Variants in NR1D2 observed in about 807,000 individuals in gnomAD.
The protein encoded by NR1D2 is nuclear receptor subfamily 1 group D member 2.
Under a neutral mutation model 52.2 loss-of-function variants are expected in NR1D2, and 25 were observed. The observed-to-expected ratio is 0.48, with a 90% CI of 0.35 to 0.67. The LOEUF (loss-of-function observed/expected upper bound fraction) is 0.67, where lower values mean the gene tolerates loss of function less well. NR1D2 is among the 30% of genes least tolerant of loss of function. NR1D2 has a pLI of 0.01. For missense variants in NR1D2, 681 were observed against 707.2 expected, an observed-to-expected ratio of 0.96 and a Z score of 0.42; for synonymous variants, 259 against 230.1, an observed-to-expected ratio of 1.13 and a Z score of -1.14.
intron 7 of NR1D2, among the ~76,000 whole-genome samples, chr3:23,972,859 C>T (rs1706627180): frequency 6.6e-6 from 1 of 152,134 alleles, no homozygotes. Context: ...GCCTTGAAAT[C>T]TTAAAAACCA....
Position 23,946,199 on chromosome 3 carries a change from C to T in NR1D2, c.16+605C>T, listed in dbSNP as rs555372752. ...GCTGAGCCCCCGCGGCGGGGCGTCC[C>T]CGAAGCGGGCGCTGACACCGCAGTG... is the stretch of plus-strand genomic sequence containing the variant. On this transcript the variant is annotated intron_variant, in intron 1 of 7. Transcript: ENST00000312521. 13 of 985,364 alleles carry T rather than the reference C, an allele frequency of 1.3e-5. No individual in the cohort carries two copies. The South Asian group carries it at 2.3e-4, about 18-fold the overall frequency. 61.0% of individuals were successfully genotyped at this position (985,364 alleles called of 1,614,324 possible).
Position 23,980,101 on chromosome 3 carries a change from G to A in NR1D2, c.*2682G>A, listed in dbSNP as rs1706838021. On this transcript the variant is annotated 3_prime_UTR_variant, in exon 8 of 8. Transcript: ENST00000312521. Reference sequence around the variant, plus strand: ...TTAATTACAGATTAAAAAATTAGAAGGAAATTTCAGTGGATTAAGTGTATA... The same window carrying A: ...TTAATTACAGATTAAAAAATTAGAAAGAAATTTCAGTGGATTAAGTGTATA... 1 of 151,958 alleles carries A rather than the reference G, an allele frequency of 6.6e-6. No homozygotes were observed. The highest frequency in any genetic ancestry group is 1.5e-5 in the Non-Finnish European group (1 of 67,960). The allele number at this position is 151,958 out of a possible 1,614,324, so 9.4% of individuals were successfully genotyped here.
At chr3:23,960,722 T>C (rs747229420) in intron 4 of NR1D2, among the ~76,000 whole-genome samples, 6 of 152,236 alleles carry the variant, frequency 3.9e-5, no homozygotes, top group Admixed American at 3.9e-4. Context: ...GTACTAATGC[T>C]ATAAAAATAG....
At position 23,961,385 on chromosome 3, in the gene NR1D2, C is replaced by CTTTCT. The variant is rs1280350912; in HGVS notation, c.518-588_518-584dup. Among the ~76,000 whole-genome samples, 5 of 108,304 alleles carry CTTTCT rather than the reference C, an allele frequency of 4.6e-5. No individual in the cohort carries two copies. In the East Asian group the frequency reaches 7.5e-4, roughly 16 times the overall value. The allele number at this position is 108,304 out of a possible 152,430, so 71.1% of individuals were successfully genotyped here. ...AATTTCATATTTCTTTTTTCTTTTTCTTTCTTTTTTTTTTTTTTTTTTTTT... is the reference window on the plus strand; with the variant it reads ...AATTTCATATTTCTTTTTTCTTTTTCTTTCTTTTCTTTTTTTTTTTTTTTTTTTTT... On this transcript the variant is annotated intron_variant, in intron 4 of 7. Transcript: ENST00000312521.
At chr3:23,946,174 G>C in intron 1 of NR1D2, 1 of 985,254 alleles carries the variant, frequency 1.0e-6, no homozygotes, top group Non-Finnish European at 1.2e-6. Context: ...GTGCGCGCCC[G>C]CTGAGCCCCC....
At position 23,945,557 on chromosome 3, in the gene NR1D2, C is replaced by T. The variant is rs1431283645; in HGVS notation, c.-22C>T. On this transcript the variant is annotated 5_prime_UTR_variant, in exon 1 of 8. Transcript: ENST00000312521. ...CCCCTCTGCGGGAAGCGGGCGGCCC[C>T]GGCCGCCTCCGCGAGGGCACCATGG... 1.0e-5 allele frequency: 12 copies of T among 1,156,194 alleles called. No homozygotes were observed. In the East Asian group the frequency reaches 3.7e-4, roughly 36 times the overall value. The allele number at this position is 1,156,194 out of a possible 1,614,324, so 71.6% of individuals were successfully genotyped here. A position where few individuals can be genotyped will look rare whatever the true frequency, so the allele number is the denominator to read the frequency against.
rs1263370000 is a variant in NR1D2, at chr3:23,945,512, G to GGCC, written c.-65_-64insCGC. ...CCAGCCCGGGGCGGCGCGGCGCTGA[G>GGCC]GCGGCGGCGGCGGCGCTGCCCCCTC... On this transcript the variant is annotated 5_prime_UTR_variant, in exon 1 of 8. Transcript: ENST00000312521. The GGCC allele has an allele frequency of 1.6e-5, 15 of 912,994 alleles. No homozygotes were observed. The Middle Eastern group carries it at 1.4e-3, about 84-fold the overall frequency. The allele number at this position is 912,994 out of a possible 1,614,324, so 56.6% of individuals were successfully genotyped here.
chr3:23,959,559 A>G (rs553392209), intron 3 of NR1D2, 112 bp from the exon 4 acceptor site: 114 of 923,012 alleles, frequency 1.2e-4, no homozygotes, highest in Non-Finnish European at 1.8e-4. Flanking sequence ...ATAGTGAGTC[A>G]TATACTGGGA....
At chr3:23,954,829 T>C in intron 2 of NR1D2, 26 bp downstream of exon 2, 1 of 1,605,006 alleles carries the variant, frequency 6.2e-7, no homozygotes, top group South Asian at 1.1e-5. Flanking sequence ...TTTCTAAAGA[T>C]TGCTGCCATT....
chr3:23,958,631 C>T (rs2125288365), intron 3 of NR1D2, among the ~76,000 whole-genome samples: 1 of 137,470 alleles, frequency 7.3e-6, no homozygotes, highest in South Asian at 2.3e-4. Flanking sequence ...CAGAGCAAGA[C>T]CCTGTCTCTT....
At chr3:23,964,245 T>G (rs141988543) in intron 5 of NR1D2, among the ~76,000 whole-genome samples, 1 of 152,164 alleles carries the variant, frequency 6.6e-6, no homozygotes, top group Non-Finnish European at 1.5e-5. Context: ...GTCTGGCTAA[T>G]TTTTTTAATT....
intron 6 of NR1D2, among the ~76,000 whole-genome samples, chr3:23,965,572 A>T (rs551502772): frequency 6.6e-6 from 1 of 152,116 alleles, no homozygotes; most frequent in Admixed American, 6.5e-5. Context: ...TTTCTAAGTC[A>T]GTATTTATAG....
In NR1D2 at chr3:23,962,145, C is replaced by T; in HGVS notation, c.686C>T (p.Pro229Leu). The part of the protein sequence containing the change: ...TALPAQEQLR[P>L]KPQLEQENIK... The stretch of plus-strand genomic sequence containing the variant: ...TTGCCAGCCCAGGAACAGCTGCGAC[C>T]CAAGCCCCAACTGGAGCAAGAAAAC... Residue 229 changes from proline (P) to leucine (L), a missense_variant, in exon 5 of 8, where the codon CCC becomes CTC. By Grantham distance (98) the Pro-to-Leu change is moderately conservative. Transcript: ENST00000312521. 3.1e-6 allele frequency: 5 copies of T among 1,614,126 alleles called. No individual in the cohort carries two copies. Among genetic ancestry groups the T allele is most frequent in the Non-Finnish European group, 4.2e-6 (5 of 1,180,018 alleles).
At chr3:23,958,342 A>G (rs1019621358) in intron 3 of NR1D2, among the ~76,000 whole-genome samples, 2 of 152,004 alleles carry the variant, frequency 1.3e-5, no homozygotes, top group Admixed American at 6.5e-5. Context: ...TTCTCAGTCC[A>G]CTTTTTAAGA....
At chr3:23,965,384 G>T (rs1252124604) in intron 6 of NR1D2, among the ~76,000 whole-genome samples, 4 of 150,438 alleles carry the variant, frequency 2.7e-5, no homozygotes, top group African/African-American at 9.8e-5. Flanking sequence ...GACTACAGGT[G>T]TGAGCTACCA....
chr3:23,963,429 C>G, intron 5 of NR1D2: 1 of 1,188,726 alleles, frequency 8.4e-7, no homozygotes, highest in South Asian at 1.6e-5. Flanking sequence ...TTCTGTGGAC[C>G]TTATGTTAGG....
chr3:23,952,537 C>T (rs1445989152), intron 1 of NR1D2, among the ~76,000 whole-genome samples: 1 of 151,646 alleles, frequency 6.6e-6, no homozygotes, highest in African/African-American at 2.4e-5. Flanking sequence ...TGGTGAAACC[C>T]TGTCTCTACT....
intron 2 of NR1D2, among the ~76,000 whole-genome samples, chr3:23,955,410 T>C (rs972340831): frequency 6.6e-6 from 1 of 152,246 alleles, no homozygotes; most frequent in African/African-American, 2.4e-5. Flanking sequence ...CAAAATTTCT[T>C]ATTTCCTGCT....
rs1465001806 is a variant in NR1D2, at chr3:23,979,392, T to A, written c.*1973T>A. 2.0e-5 allele frequency: 3 copies of A among 152,092 alleles called. No homozygotes were observed. The highest frequency in any genetic ancestry group is 6.5e-5 in the Admixed American group (1 of 15,282). The allele number at this position is 152,092 out of a possible 1,614,324, so 9.4% of individuals were successfully genotyped here. A position where few individuals can be genotyped will look rare whatever the true frequency, so the allele number is the denominator to read the frequency against. On this transcript the variant is annotated 3_prime_UTR_variant, in exon 8 of 8. Coordinates refer to ENST00000312521, the MANE Select transcript of NR1D2 (RefSeq NM_005126.5). ...CTTCTATGGGTGATAGAAACAGCTT[T>A]TTGAAGTAATGAAAACCTCAAAAGA...
Sources: allele counts gnomAD v4.1 joint callset (sites outside exome capture counted in the v4.1 genomes callset), GRCh38; gene constraint gnomAD v4.1.1; transcripts MANE v1.5; gene names NCBI Gene and HGNC (gene_info 2026-07-23, HGNC 2026-07-21).